The following ROBO1 variants were observed in gnomAD, a reference collection of about 807,000 sequenced individuals.
ROBO1 encodes the protein roundabout homolog 1.
In ROBO1, 149 loss-of-function variants were observed where a neutral mutation model predicts 195.9. That is an observed-to-expected ratio of 0.76 (90% CI 0.67 to 0.87). ROBO1 has a LOEUF of 0.87. ROBO1 is among the 40% of genes least tolerant of loss of function. The pLI, the probability that ROBO1 is intolerant of heterozygous loss-of-function variation, is 0.00. For missense variants in ROBO1, 1,933 were observed against 2,068.3 expected, an observed-to-expected ratio of 0.93 and a Z score of 1.27; for synonymous variants, 816 against 733.2, an observed-to-expected ratio of 1.11 and a Z score of -1.82.
At chr3:79,665,043 T>C (rs1946436263) in intron 1 of ROBO1, among the ~76,000 whole-genome samples, 1 of 151,968 alleles carries the variant, frequency 6.6e-6, no homozygotes, top group South Asian at 2.1e-4. Flanking sequence ...AATGATGCAG[T>C]TGAATATTTT....
intron 2 of ROBO1, among the ~76,000 whole-genome samples, chr3:79,319,510 C>A (rs532328601): frequency 9.9e-5 from 15 of 152,078 alleles, no homozygotes; most frequent in African/African-American, 3.6e-4. Flanking sequence ...TAATAAGATT[C>A]TTGTGTTATT....
chr3:79,102,178 A>G (rs1299638438), intron 3 of ROBO1, among the ~76,000 whole-genome samples: 1 of 151,828 alleles, frequency 6.6e-6, no homozygotes, highest in Non-Finnish European at 1.5e-5. Context: ...ATAGCATACG[A>G]TGTTTATTGT....
chr3:78,916,132 C>T (rs1377040341), intron 4 of ROBO1, among the ~76,000 whole-genome samples: 2 of 151,012 alleles, frequency 1.3e-5, no homozygotes, highest in South Asian at 2.1e-4. Context: ...CGCCTGTAGT[C>T]GCAGCCACTC....
At chr3:79,720,949 T>C (rs945021624) in intron 1 of ROBO1, among the ~76,000 whole-genome samples, 10 of 152,106 alleles carry the variant, frequency 6.6e-5, no homozygotes, top group Non-Finnish European at 1.5e-4. Context: ...CCCGCCACCG[T>C]GCCCGGCTAA....
chr3:79,149,525 G>GTTA (rs1411376479), intron 2 of ROBO1, among the ~76,000 whole-genome samples: 2 of 150,782 alleles, frequency 1.3e-5, no homozygotes, highest in Admixed American at 1.3e-4. Flanking sequence ...TGTTGTTGTT[G>GTTA]TTGTTGTTGT....
At chr3:78,750,955 T>C (rs1022171127) in intron 4 of ROBO1, among the ~76,000 whole-genome samples, 1 of 152,168 alleles carries the variant, frequency 6.6e-6, no homozygotes, top group South Asian at 2.1e-4. Context: ...GTTTTGCTTG[T>C]TTACCACGTG....
intron 2 of ROBO1, among the ~76,000 whole-genome samples, chr3:79,448,789 T>C (rs1330704128): frequency 6.6e-6 from 1 of 152,212 alleles, no homozygotes; most frequent in Non-Finnish European, 1.5e-5. Context: ...ATCAACATGT[T>C]GCAGCCTGAG....
intron 5 of ROBO1, among the ~76,000 whole-genome samples, chr3:78,734,872 C>G (rs1460748775): frequency 6.6e-6 from 1 of 152,164 alleles, no homozygotes; most frequent in Non-Finnish European, 1.5e-5. Flanking sequence ...TACCTTACCT[C>G]TGCATCTAAA....
At chr3:78,734,342 T>C (rs530744953) in intron 5 of ROBO1, among the ~76,000 whole-genome samples, 23 of 149,214 alleles carry the variant, frequency 1.5e-4, no homozygotes, top group East Asian at 7.9e-4. Flanking sequence ...CTCATGCCTA[T>C]AATCCCAGCC....
intron 2 of ROBO1, among the ~76,000 whole-genome samples, chr3:79,393,256 G>T (rs1011597663): frequency 6.6e-5 from 10 of 152,166 alleles, no homozygotes; most frequent in African/African-American, 2.4e-4. Context: ...TGTGGGGGTT[G>T]CATGGGTGTT....
chr3:79,381,594 T>C (rs1007158649), intron 2 of ROBO1, among the ~76,000 whole-genome samples: 1 of 151,994 alleles, frequency 6.6e-6, no homozygotes, highest in Non-Finnish European at 1.5e-5. Flanking sequence ...ATGAGTTTTG[T>C]TTTATAGCAT....
At chr3:78,638,743 G>A (rs1705717800) in intron 22 of ROBO1, among the ~76,000 whole-genome samples, 1 of 151,914 alleles carries the variant, frequency 6.6e-6, no homozygotes, top group East Asian at 1.9e-4. Context: ...GCATGGTGGT[G>A]CGTGCCTGTG....
chr3:78,882,675 T>A (rs879540807), intron 4 of ROBO1, among the ~76,000 whole-genome samples: 19 of 152,168 alleles, frequency 1.2e-4, no homozygotes, highest in Non-Finnish European at 2.6e-4. Context: ...TCCATCTTTC[T>A]CCTTTGCCTC....
At chr3:79,081,185 T>C (rs1559644895) in intron 3 of ROBO1, among the ~76,000 whole-genome samples, 1 of 152,086 alleles carries the variant, frequency 6.6e-6, no homozygotes, top group Non-Finnish European at 1.5e-5. Flanking sequence ...AGGATTTTTT[T>C]TTTTGCTTTC....
At chr3:78,908,018 A>T (rs2038028372) in intron 4 of ROBO1, among the ~76,000 whole-genome samples, 1 of 151,982 alleles carries the variant, frequency 6.6e-6, no homozygotes, top group Non-Finnish European at 1.5e-5. Context: ...ATGAGATTCT[A>T]AAATAGTAAA....
At chr3:79,580,289 T>C (rs1943617815) in intron 2 of ROBO1, among the ~76,000 whole-genome samples, 1 of 151,814 alleles carries the variant, frequency 6.6e-6, no homozygotes, top group Admixed American at 6.6e-5. Context: ...CTGACAAACG[T>C]GGTGAAACCC....
intron 2 of ROBO1, among the ~76,000 whole-genome samples, chr3:79,326,378 G>A (rs745642629): frequency 3.3e-5 from 5 of 152,046 alleles, no homozygotes; most frequent in Non-Finnish European, 5.9e-5. Flanking sequence ...GGAACCTGCC[G>A]ACATGTGATG....
At chr3:79,716,084 A>G (rs1702471164) in intron 1 of ROBO1, among the ~76,000 whole-genome samples, 1 of 152,102 alleles carries the variant, frequency 6.6e-6, no homozygotes, top group East Asian at 1.9e-4. Flanking sequence ...GTAACATTCT[A>G]TGAATGGTGT....
chr3:79,375,804 T>C (rs534010490), intron 2 of ROBO1, among the ~76,000 whole-genome samples: 1 of 152,354 alleles, frequency 6.6e-6, no homozygotes, highest in South Asian at 2.1e-4. Flanking sequence ...AACTGCTTAA[T>C]ATACACGCTA....
Sources: gnomAD v4.1 joint callset for allele counts (sites outside exome capture counted in the v4.1 genomes callset) on GRCh38, gnomAD v4.1.1 for gene constraint, MANE v1.5 for transcripts, NCBI Gene and HGNC (gene_info 2026-07-23, HGNC 2026-07-21) for gene names.